CALCR: variants seen among roughly 807,000 people sequenced by gnomAD.
The protein encoded by CALCR is calcitonin receptor.
Under a neutral mutation model 59.5 loss-of-function variants are expected in CALCR, and 47 were observed. The ratio of observed to expected loss-of-function variants is 0.79; its 90% CI spans 0.63 to 1.01. The LOEUF (loss-of-function observed/expected upper bound fraction) is 1.01. Among genes scored for constraint, CALCR ranks in the 50% least tolerant of loss-of-function variants. The pLI is 0.00. For synonymous variants in CALCR, 213 were observed against 211.3 expected, an observed-to-expected ratio of 1.01 and a Z score of -0.07; for missense variants, 566 against 597.1, an observed-to-expected ratio of 0.95 and a Z score of 0.54.
At chr7:93,570,852 A>C (rs1340297193) in intron 2 of CALCR, among the ~76,000 whole-genome samples, 1 of 152,170 alleles carries the variant, frequency 6.6e-6, no homozygotes, top group East Asian at 1.9e-4. Flanking sequence ...ACAAAACCAA[A>C]ACTACATTCT....
chr7:93,468,079 A>T (rs1800477679), intron 7 of CALCR, among the ~76,000 whole-genome samples: 1 of 151,764 alleles, frequency 6.6e-6, no homozygotes, highest in South Asian at 2.1e-4. Flanking sequence ...AACAGTTTCT[A>T]ACTTAAATGT....
At chr7:93,437,656 TG>T (rs142016486) in intron 11 of CALCR, among the ~76,000 whole-genome samples, 23,631 of 152,066 alleles carry the variant, frequency 0.16, 2,146 homozygotes, top group East Asian at 0.34. Context: ...GTTGAATATT[TG>T]GATTTCTGGA....
At chr7:93,549,323 T>A (rs1789387779) in intron 2 of CALCR, among the ~76,000 whole-genome samples, 1 of 152,134 alleles carries the variant, frequency 6.6e-6, no homozygotes, top group Non-Finnish European at 1.5e-5. Context: ...TTCAAATGAC[T>A]ATCTTAGTTC....
chr7:93,525,884 G>A (rs1801867669), intron 2 of CALCR, among the ~76,000 whole-genome samples: 1 of 152,150 alleles, frequency 6.6e-6, no homozygotes, highest in Non-Finnish European at 1.5e-5. Context: ...GTGGGGAGGA[G>A]GCATGGGAAT....
At chr7:93,543,495 C>T (rs562995808) in intron 2 of CALCR, among the ~76,000 whole-genome samples, 2 of 152,208 alleles carry the variant, frequency 1.3e-5, no homozygotes, top group Admixed American at 1.3e-4. Context: ...TTCATTTACA[C>T]CAGCATCACC....
intron 8 of CALCR, among the ~76,000 whole-genome samples, chr7:93,444,083 G>T (rs1224043373): frequency 6.6e-6 from 1 of 152,170 alleles, no homozygotes; most frequent in African/African-American, 2.4e-5. Context: ...CTAAGGATTT[G>T]ATGCATGACT....
chr7:93,543,084 G>A (rs1433035034), intron 2 of CALCR, among the ~76,000 whole-genome samples: 2 of 151,952 alleles, frequency 1.3e-5, no homozygotes, highest in Admixed American at 1.3e-4. Flanking sequence ...GCACATAATT[G>A]TATATGCCAC....
chr7:93,448,925 T>C (rs1456518270), intron 8 of CALCR, among the ~76,000 whole-genome samples: 1 of 152,118 alleles, frequency 6.6e-6, no homozygotes, highest in South Asian at 2.1e-4. Context: ...CTGAAGAGTA[T>C]CTTCTCTGTT....
intron 4 of CALCR, 111 bp from the exon 5 acceptor site, chr7:93,477,779 CA>C: frequency 1.5e-6 from 1 of 670,578 alleles, no homozygotes; most frequent in South Asian, 1.7e-5. Flanking sequence ...CAGTCATAAC[CA>C]ACCACATTTC....
chr7:93,505,929 G>A (rs943524199), intron 2 of CALCR, among the ~76,000 whole-genome samples: 1 of 152,034 alleles, frequency 6.6e-6, no homozygotes, highest in Non-Finnish European at 1.5e-5. Context: ...ATAAGATTAG[G>A]GGCCCCACAT....
intron 2 of CALCR, among the ~76,000 whole-genome samples, chr7:93,501,572 G>A (rs1801322360): frequency 6.6e-6 from 1 of 152,004 alleles, no homozygotes; most frequent in Admixed American, 6.6e-5. Flanking sequence ...ATTTCAGAAC[G>A]TGTCTAGAGG....
At chr7:93,492,776 T>C (rs1801112545) in intron 2 of CALCR, among the ~76,000 whole-genome samples, 1 of 151,348 alleles carries the variant, frequency 6.6e-6, no homozygotes, top group Non-Finnish European at 1.5e-5. Context: ...TATAAGATGG[T>C]TATATAATTT....
chr7:93,504,863 C>A (rs373973271), intron 2 of CALCR, among the ~76,000 whole-genome samples: 1 of 152,006 alleles, frequency 6.6e-6, no homozygotes, highest in African/African-American at 2.4e-5. Flanking sequence ...CTATCTAAAG[C>A]AGACGCACCC....
At chr7:93,541,428 G>C (rs766976941) in intron 2 of CALCR, among the ~76,000 whole-genome samples, 4 of 152,026 alleles carry the variant, frequency 2.6e-5, no homozygotes, top group Non-Finnish European at 4.4e-5. Context: ...CTCCCAAAGT[G>C]CTGGGATTAC....
intron 2 of CALCR, among the ~76,000 whole-genome samples, chr7:93,500,576 A>G (rs1467244936): frequency 6.6e-6 from 1 of 151,976 alleles, no homozygotes; most frequent in Non-Finnish European, 1.5e-5. Flanking sequence ...TGCATTGTAC[A>G]TACATTTATC....
chr7:93,465,654 G>A (rs1363694348), intron 7 of CALCR, among the ~76,000 whole-genome samples: 1 of 151,724 alleles, frequency 6.6e-6, no homozygotes, highest in Non-Finnish European at 1.5e-5. Flanking sequence ...CTTTCTCTAG[G>A]AAGAATGCAT....
chr7:93,563,875 T>C (rs1413767843), intron 2 of CALCR, among the ~76,000 whole-genome samples: 1 of 152,208 alleles, frequency 6.6e-6, no homozygotes, highest in Non-Finnish European at 1.5e-5. Flanking sequence ...CTCTCTGTTC[T>C]TCAGTTTCCT....
chr7:93,501,921 T>C (rs1264071637), intron 2 of CALCR, among the ~76,000 whole-genome samples: 2 of 149,928 alleles, frequency 1.3e-5, no homozygotes, highest in African/African-American at 2.5e-5. Flanking sequence ...CCTGAACTAA[T>C]TGCTGCCAGG....
At chr7:93,527,509 AT>A (rs1053356158) in intron 2 of CALCR, among the ~76,000 whole-genome samples, 5 of 152,118 alleles carry the variant, frequency 3.3e-5, no homozygotes, top group Non-Finnish European at 7.4e-5. Context: ...AATTGCTTAA[AT>A]TTTTTGTACT....
Sources: allele counts gnomAD v4.1 joint callset (sites outside exome capture counted in the v4.1 genomes callset), GRCh38; gene constraint gnomAD v4.1.1; transcripts MANE v1.5; gene names NCBI Gene and HGNC (gene_info 2026-07-23, HGNC 2026-07-21).